The following MDN1 variants were observed in gnomAD, a reference collection of about 807,000 sequenced individuals.
The protein encoded by MDN1 is midasin.
MDN1 carries 266 observed loss-of-function variants against 669.2 expected under a neutral mutation model. The observed-to-expected ratio is 0.40, with a 90% CI of 0.36 to 0.44. MDN1 has a LOEUF of 0.44. Among genes scored for constraint, MDN1 ranks in the 20% least tolerant of loss-of-function variants. The pLI is 1.00. For missense variants in MDN1, 5,940 were observed against 6,754.0 expected, an observed-to-expected ratio of 0.88 and a Z score of 4.22; for synonymous variants, 2,385 against 2,457.1, an observed-to-expected ratio of 0.97 and a Z score of 0.87.
chr6:89,726,482 G>GAAAAAAAAAAAAAAAAAAGAAAAAAAA (rs201576721), intron 37 of MDN1, among the ~76,000 whole-genome samples: 2 of 90,948 alleles, frequency 2.2e-5, no homozygotes, highest in Non-Finnish European at 4.6e-5. Flanking sequence ...AAGAAAAATA[G>GAAAAAAAAAAAAAAAAAAGAAAAAAAA]AAAAAAAAAA....
chr6:89,680,629 G>C lies in MDN1; in HGVS notation c.12225C>G (p.Ser4075Arg). ...RKMCLTFMKE[S>R]PLPRLVEGLD... ...GGCCCTCCACAAGGCGAGGCAGGGGGCTCTCCTTCATGAACGTCAGGCACA... is the reference window on the plus strand; with the variant it reads ...GGCCCTCCACAAGGCGAGGCAGGGGCCTCTCCTTCATGAACGTCAGGCACA... Residue 4075 changes from serine (S) to arginine (R), a missense_variant, in exon 74 of 102, where the codon AGC becomes AGG. Transcript: ENST00000369393. The C allele has an allele frequency of 6.2e-7, 1 of 1,614,134 alleles. No homozygotes were observed. The highest frequency in any genetic ancestry group is 8.5e-7 in the Non-Finnish European group (1 of 1,180,010).
chr6:89,703,799 G>T (rs1185493715), intron 53 of MDN1, among the ~76,000 whole-genome samples: 1 of 151,972 alleles, frequency 6.6e-6, no homozygotes, highest in African/African-American at 2.4e-5. Context: ...ATCATCTGAG[G>T]TAAGGAGTTC....
intron 66 of MDN1, 129 bp from the exon 67 acceptor site, chr6:89,688,302 A>C: frequency 1.2e-6 from 1 of 862,340 alleles, no homozygotes. Flanking sequence ...GAAAAAAAAA[A>C]CAGAGCAACA....
chr6:89,674,533 T>G lies in MDN1; in HGVS notation c.12818A>C (p.Tyr4273Ser). 1.9e-6 allele frequency: 3 copies of G among 1,603,518 alleles called. 1 individual carries two copies. Among genetic ancestry groups the G allele is most frequent in the South Asian group, 2.2e-5 (2 of 90,786 alleles). ...IHSRLMGPQA[Y>S]PVAFPPQDGV... is the part of the protein sequence containing the mutation. ...ATCCTGAGGGGGGAAGGCCACGGGGTAGGCCTGGGGCCCCATCAGCCTGCT... is the reference window on the plus strand; with the variant it reads ...ATCCTGAGGGGGGAAGGCCACGGGGGAGGCCTGGGGCCCCATCAGCCTGCT... Residue 4273 changes from tyrosine to serine, a missense_variant, in exon 79 of 102, where the codon TAC becomes TCC. Physicochemically the swap from Tyr to Ser is moderately radical, Grantham distance 144. Transcript: ENST00000369393.
chr6:89,680,224 G>A (rs149574137), intron 74 of MDN1, among the ~76,000 whole-genome samples: 432 of 152,316 alleles, frequency 2.8e-3, no homozygotes, highest in African/African-American at 9.9e-3. Context: ...AAGAGGATGG[G>A]GATGAATCCT....
intron 50 of MDN1, among the ~76,000 whole-genome samples, chr6:89,708,864 T>C (rs1056462465): frequency 6.6e-6 from 1 of 151,734 alleles, no homozygotes; most frequent in African/African-American, 2.4e-5. Context: ...TGAAAGTTCA[T>C]CCCAATGCAG....
intron 29 of MDN1, among the ~76,000 whole-genome samples, chr6:89,744,103 TAAAAAAAAAAAAA>T: frequency 2.7e-5 from 1 of 36,748 alleles, no homozygotes; most frequent in Non-Finnish European, 5.9e-5. Context: ...AATGCCTTCT[TAAAAAAAAAAAAA>T]AAAAAAAAAA....
intron 99 of MDN1, 112 bp from the exon 100 acceptor site, chr6:89,646,715 G>A: frequency 1.1e-6 from 1 of 872,304 alleles, no homozygotes; most frequent in Non-Finnish European, 1.9e-6. Context: ...AACCACCTCA[G>A]GTTTACAGAC....
chr6:89,689,303 G>C (rs1262086562), intron 65 of MDN1, among the ~76,000 whole-genome samples: 2 of 152,206 alleles, frequency 1.3e-5, no homozygotes, highest in Non-Finnish European at 2.9e-5. Flanking sequence ...GTCAGAAACT[G>C]CCTAGGTATA....
rs760778367 is a variant in MDN1 at position 89,781,602 on chromosome 6, G to C, written c.1450-10C>G. On this transcript the variant is annotated splice_polypyrimidine_tract_variant and intron_variant, in intron 9 of 101. Transcript: ENST00000369393. ...ATCTGCTCTGAAGAACCTGACAGAG[G>C]GGGAAAAAAAAGAAAATTTAACAGC... 6.5e-7 allele frequency: 1 copy of C among 1,546,658 alleles called. No individual in the cohort carries two copies. Among genetic ancestry groups the C allele is most frequent in the South Asian group, 1.2e-5 (1 of 82,146 alleles).
In MDN1 at chr6:89,753,541, G is replaced by T; in HGVS notation, c.3046C>A (p.Pro1016Thr). The T allele has an allele frequency of 1.2e-6, 2 of 1,612,536 alleles. No homozygotes were observed. The highest frequency in any genetic ancestry group is 1.7e-6 in the Non-Finnish European group (2 of 1,178,650). Reference sequence around the variant, plus strand: ...TTCAGCAGACTCTTGACATTGCCAGGGACAATGTGTTGACAGATGAGCTTC... The same window carrying T: ...TTCAGCAGACTCTTGACATTGCCAGTGACAATGTGTTGACAGATGAGCTTC... ...VQKLICQHIV[P>T]GNVKSLLKQP... Residue 1016 changes from proline to threonine, a missense_variant, in exon 22 of 102, where the codon CCT becomes ACT. This residue lies in a region of MDN1 where 1,203 missense variants were observed against 1,268.9 expected (regional missense o/e 0.95). Coordinates refer to ENST00000369393, the MANE Select transcript of MDN1 (RefSeq NM_014611.3).
intron 1 of MDN1, among the ~76,000 whole-genome samples, chr6:89,810,059 A>G (rs1326371044): frequency 6.6e-6 from 1 of 150,764 alleles, no homozygotes; most frequent in Non-Finnish European, 1.5e-5. Flanking sequence ...CAAAATATTA[A>G]TATGGGCAGT....
At chr6:89,669,388 T>TTTA (rs1352579278) in intron 83 of MDN1, among the ~76,000 whole-genome samples, 13 of 152,052 alleles carry the variant, frequency 8.5e-5, no homozygotes, top group South Asian at 2.1e-4. Flanking sequence ...ATTATTACTT[T>TTTA]TTATTATTAT....
At chr6:89,726,868 CA>C (rs1194036507) in intron 37 of MDN1, among the ~76,000 whole-genome samples, 1 of 152,132 alleles carries the variant, frequency 6.6e-6, no homozygotes, top group Admixed American at 6.5e-5. Flanking sequence ...CATGTTTACA[CA>C]AGCACCACAA....
intron 48 of MDN1, 42 bp from the exon 49 acceptor site, chr6:89,712,298 C>T: frequency 6.7e-7 from 1 of 1,502,318 alleles, no homozygotes; most frequent in Non-Finnish European, 9.1e-7. Context: ...CTAGAATAAC[C>T]TTTTATTTCA....
chr6:89,652,368 A>T, intron 94 of MDN1, 87 bp from the exon 95 acceptor site: 2 of 959,552 alleles, frequency 2.1e-6, no homozygotes, highest in African/African-American at 1.6e-5. Flanking sequence ...CTACAGTATG[A>T]ACTCAAAGTA....
chr6:89,725,731 C>T (rs1425049168), intron 37 of MDN1, among the ~76,000 whole-genome samples: 3 of 131,218 alleles, frequency 2.3e-5, no homozygotes, highest in African/African-American at 5.8e-5. Context: ...CCACCACATC[C>T]AGCTAATTCT....
chr6:89,657,377 C>T (rs1809393988), intron 90 of MDN1, among the ~76,000 whole-genome samples: 1 of 152,222 alleles, frequency 6.6e-6, no homozygotes, highest in Non-Finnish European at 1.5e-5. Context: ...AGAATCACCA[C>T]TGTAACCAGC....
rs768686727 is a variant in MDN1 at position 89,787,884 on chromosome 6, G to T, written c.1304C>A (p.Ala435Glu). 1.2e-5 allele frequency: 20 copies of T among 1,613,330 alleles called. No homozygotes were observed. The Middle Eastern group carries it at 6.6e-4, about 53-fold the overall frequency. Residue 435 changes from alanine to glutamate, a missense_variant, in exon 8 of 102, where the codon GCA (alanine) becomes GAA (glutamate). Around this residue, in one of 5 missense-constraint regions of MDN1, gnomAD observed 1,203 missense variants for 1,268.9 expected, o/e 0.95. Transcript: ENST00000369393. ...IPGRGDCLKVAPGFQFFATRR... is the reference protein window; with the variant it reads ...IPGRGDCLKVEPGFQFFATRR... ...GGTTGCAAAAAACTGAAATCCAGGT[G>T]CCACTTTCAGACAGTCACCTCGGCC...
Sources: allele counts gnomAD v4.1 joint callset (sites outside exome capture counted in the v4.1 genomes callset), GRCh38; gene constraint gnomAD v4.1.1; regional missense constraint gnomAD v4.1.1; transcripts MANE v1.5; gene names NCBI Gene and HGNC (gene_info 2026-07-23, HGNC 2026-07-21).